The following CNOT1 variants were observed in gnomAD, a reference collection of about 807,000 sequenced individuals.
The protein encoded by CNOT1 is CCR4-associated factor 1.
Under a neutral mutation model 273.8 loss-of-function variants are expected in CNOT1, and 15 were observed. The ratio of observed to expected loss-of-function variants is 0.05; its 90% CI spans 0.04 to 0.08. CNOT1 has a LOEUF of 0.08. CNOT1 is among the 10% of genes least tolerant of loss of function. CNOT1 has a pLI of 1.00. For synonymous variants in CNOT1, 1,022 were observed against 1,005.5 expected (o/e 1.02, Z -0.31); for missense variants, 1,644 against 2,912.2 (o/e 0.56, Z 10.02).
chr16:58,564,469 A>G (rs1256162378), intron 16 of CNOT1, among the ~76,000 whole-genome samples: 3 of 152,198 alleles, frequency 2.0e-5, no homozygotes, highest in Non-Finnish European at 4.4e-5. Flanking sequence ...TGTAAGCCAC[A>G]CTAATATTTT....
At chr16:58,558,293 A>G in intron 18 of CNOT1, among the ~76,000 whole-genome samples, 180 bp downstream of exon 18, 1 of 152,314 alleles carries the variant, frequency 6.6e-6, no homozygotes, top group South Asian at 2.1e-4. Flanking sequence ...CTTTCCTCCA[A>G]TTAGACTGAA....
At chr16:58,621,016 A>T (rs2043290012) in intron 1 of CNOT1, among the ~76,000 whole-genome samples, 1 of 65,284 alleles carries the variant, frequency 1.5e-5, no homozygotes, top group South Asian at 3.9e-4. Flanking sequence ...CAAAAAGATA[A>T]CTTTTTTTTT....
At chr16:58,604,828 TAAAA>T (rs148121702) in intron 1 of CNOT1, among the ~76,000 whole-genome samples, 1 of 116,914 alleles carries the variant, frequency 8.6e-6, no homozygotes, top group Non-Finnish European at 1.7e-5. Context: ...AAAAAAAAAT[TAAAA>T]AAAAAAAAAA....
Position 58,555,812 on chromosome 16 carries a change from G to C in CNOT1, c.2576C>G (p.Pro859Arg). The C allele has an allele frequency of 6.2e-7, 1 of 1,613,988 alleles. No individual in the cohort carries two copies. Among genetic ancestry groups the C allele is most frequent in the Non-Finnish European group, 8.5e-7 (1 of 1,180,034 alleles). ...ATCAACAGACATGGTTGGATGTGGTGGATGATTATATATTCGCTGGAAATA... is the reference window on the plus strand; with the variant it reads ...ATCAACAGACATGGTTGGATGTGGTCGATGATTATATATTCGCTGGAAATA... ...NSYFQRIYNH[P>R]PHPTMSVDEV... Residue 859 changes from proline (P) to arginine (R), a missense_variant, in exon 20 of 49, where the codon CCA (proline) becomes CGA (arginine). Transcript: ENST00000317147.
At chr16:58,566,921 G>C (rs9924494) in intron 16 of CNOT1, among the ~76,000 whole-genome samples, 1 of 151,996 alleles carries the variant, frequency 6.6e-6, no homozygotes, top group African/African-American at 2.4e-5. Context: ...GTGAGCCACC[G>C]CGCCCAGCCT....
chr16:58,527,554 T>A (rs1249034086), intron 44 of CNOT1, among the ~76,000 whole-genome samples: 1 of 151,708 alleles, frequency 6.6e-6, no homozygotes, highest in African/African-American at 2.4e-5. Flanking sequence ...TACAAATAAA[T>A]AATAATACAA....
At chr16:58,597,730 G>A in intron 2 of CNOT1, 1 of 515,188 alleles carries the variant, frequency 1.9e-6, no homozygotes, top group Non-Finnish European at 4.0e-6. Flanking sequence ...ACAGGAGGGT[G>A]TGATGGTGGC....
At chr16:58,541,757 C>CTGTT in intron 33 of CNOT1, 137 bp from the exon 34 acceptor site, 2 of 756,894 alleles carry the variant, frequency 2.6e-6, no homozygotes, top group Non-Finnish European at 4.3e-6. Context: ...ATTAAGCATG[C>CTGTT]ACGCACACAC....
rs1422119132 is a variant in CNOT1 at position 58,586,528 on chromosome 16, T to C, written c.637+17A>G. 1.2e-6 allele frequency: 2 copies of C among 1,605,734 alleles called. No homozygotes were observed. Among genetic ancestry groups the C allele is most frequent in the Admixed American group, 1.7e-5 (1 of 59,436 alleles). ...TCCAAGAAAACCACCCACTGTAGGC[T>C]ACAAAGACTCCCTTACCTCTGCGCA... On this transcript the variant is annotated intron_variant, in intron 7 of 48. Transcript: ENST00000317147.
chr16:58,530,318 A>T lies in CNOT1; in HGVS notation c.6207T>A (p.Ile2069=), dbSNP rs1012066333. The T allele has an allele frequency of 5.0e-6, 8 of 1,612,594 alleles. No homozygotes were observed. Among genetic ancestry groups the T allele is most frequent in the Non-Finnish European group, 6.8e-6 (8 of 1,179,076 alleles). ...AAGGCGCTAAATATTTGAATAAATC[A>T]ATCAGTAGCTGTGCATACATAGGCC... The part of the protein sequence containing the change: ...KGWPMYAQLL[I]DLFKYLAPFL... The change falls in exon 43 of 49, where the codon ATT becomes ATA. Residue 2069 remains isoleucine, a synonymous_variant. Transcript: ENST00000317147.
At chr16:58,629,480 C>T (rs1317682256) in intron 1 of CNOT1, among the ~76,000 whole-genome samples, 1 of 152,176 alleles carries the variant, frequency 6.6e-6, no homozygotes, top group African/African-American at 2.4e-5. Flanking sequence ...GCTCTACCCT[C>T]CGCTTCCTGG....
intron 2 of CNOT1, 87 bp downstream of exon 2, chr16:58,599,149 T>A: frequency 6.4e-7 from 1 of 1,568,276 alleles, no homozygotes; most frequent in Non-Finnish European, 8.7e-7. Context: ...TTACCTTTCA[T>A]GCAACATGCC....
At chr16:58,538,126 CT>C (rs2039976146) in intron 37 of CNOT1, 31 bp downstream of exon 37, 1 of 1,610,818 alleles carries the variant, frequency 6.2e-7, no homozygotes, top group Admixed American at 1.7e-5. Flanking sequence ...TCCCTGAGTC[CT>C]TTTGTCCGTG....
chr16:58,587,170 C>A, intron 6 of CNOT1, 31 bp downstream of exon 6: 1 of 1,608,522 alleles, frequency 6.2e-7, no homozygotes, highest in Non-Finnish European at 8.5e-7. Context: ...TAAAGTCTCA[C>A]TTCGTGATAT....
chr16:58,549,302 A>C (rs2040373939), intron 25 of CNOT1, among the ~76,000 whole-genome samples: 2 of 151,838 alleles, frequency 1.3e-5, no homozygotes, highest in African/African-American at 4.8e-5. Context: ...AATTGAAAAA[A>C]AAAAAAAAAG....
intron 16 of CNOT1, among the ~76,000 whole-genome samples, chr16:58,573,998 C>A (rs952416252): frequency 6.6e-6 from 1 of 152,032 alleles, no homozygotes; most frequent in Non-Finnish European, 1.5e-5. Flanking sequence ...CACCTGTAAT[C>A]CCAGCACTTT....
chr16:58,535,395 G>A (rs2039894616), intron 39 of CNOT1, among the ~76,000 whole-genome samples: 1 of 152,184 alleles, frequency 6.6e-6, no homozygotes, highest in Non-Finnish European at 1.5e-5. Context: ...CTATGGTCAA[G>A]GAGGAGCGCA....
chr16:58,537,798 A>G, intron 38 of CNOT1, 93 bp downstream of exon 38: 2 of 1,513,444 alleles, frequency 1.3e-6, no homozygotes, highest in Non-Finnish European at 1.8e-6. Flanking sequence ...TAAAGCAGTT[A>G]TAACAAGTAA....
intron 2 of CNOT1, among the ~76,000 whole-genome samples, chr16:58,597,426 G>T (rs1016350728): frequency 2.0e-5 from 3 of 151,942 alleles, no homozygotes; most frequent in Non-Finnish European, 4.4e-5. Flanking sequence ...AGTGAGCTGA[G>T]ATCGCGCCAC....
Sources: gnomAD v4.1 joint callset for allele counts (sites outside exome capture counted in the v4.1 genomes callset) on GRCh38, gnomAD v4.1.1 for gene constraint, MANE v1.5 for transcripts, NCBI Gene and HGNC (gene_info 2026-07-23, HGNC 2026-07-21) for gene names.